Variants in TMEM236 observed in about 807,000 individuals in gnomAD.
The protein encoded by TMEM236 is family with sequence similarity 23, member A.
Under a neutral mutation model 14.7 loss-of-function variants are expected in TMEM236, and 11 were observed. The observed-to-expected ratio is 0.75, with a 90% CI of 0.47 to 1.24. The LOEUF is 1.24. Ranked by LOEUF, TMEM236 falls within the 50% of genes most tolerant of loss-of-function variation. TMEM236 has a pLI of 0.00. For synonymous variants in TMEM236, 182 were observed against 168.6 expected (o/e 1.08, Z -0.62); for missense variants, 464 against 427.3 (o/e 1.09, Z -0.76).
chr10:17,783,094 A>G (rs1837780413), intron 3 of TMEM236, among the ~76,000 whole-genome samples: 1 of 152,146 alleles, frequency 6.6e-6, no homozygotes, highest in Admixed American at 6.5e-5. Context: ...GGTGACTGGC[A>G]AAACAGAAGC....
intron 1 of TMEM236, among the ~76,000 whole-genome samples, chr10:17,756,166 T>A (rs953157554): frequency 0.011 from 1,621 of 152,250 alleles, 29 homozygotes; most frequent in African/African-American, 0.036. Context: ...ATTCAAGAGG[T>A]TGGCTTGAGC....
At chr10:17,761,142 C>T (rs2131741979) in intron 1 of TMEM236, among the ~76,000 whole-genome samples, 1 of 152,292 alleles carries the variant, frequency 6.6e-6, no homozygotes, top group East Asian at 1.9e-4. Flanking sequence ...CTGTTTCTCT[C>T]ATCCCAATTA....
At chr10:17,795,313 G>T (rs1378692316) in intron 3 of TMEM236, among the ~76,000 whole-genome samples, 2 of 152,128 alleles carry the variant, frequency 1.3e-5, no homozygotes, top group Non-Finnish European at 1.5e-5. Flanking sequence ...GGTGTGAATT[G>T]CAGCTCTGCC....
chr10:17,764,261 G>A lies in TMEM236; in HGVS notation c.258-7048G>A, dbSNP rs968891144. Among the ~76,000 whole-genome samples the A allele has an allele frequency of 4.5e-4, 69 of 152,274 alleles. 1 individual carries two copies. Among genetic ancestry groups the A allele is most frequent in the African/African-American group, 1.7e-3 (69 of 41,564 alleles). On this transcript the variant is annotated intron_variant, in intron 1 of 3. Transcript: ENST00000377495. ...CAAACAGGAATTTGTAACCCAATGT[G>A]GCTGAGCTTACTGAGTTCATCGTTA...
intron 3 of TMEM236, among the ~76,000 whole-genome samples, chr10:17,778,096 G>A (rs1294125076): frequency 6.6e-6 from 1 of 152,126 alleles, no homozygotes; most frequent in African/African-American, 2.4e-5. Flanking sequence ...TAATGACACT[G>A]AGAATTGAAA....
intron 1 of TMEM236, among the ~76,000 whole-genome samples, chr10:17,766,723 G>A (rs550168473): frequency 6.1e-4 from 93 of 152,304 alleles, no homozygotes; most frequent in Admixed American, 1.2e-3. Flanking sequence ...TACCTGGATG[G>A]CTTGAGCAAC....
intron 1 of TMEM236, among the ~76,000 whole-genome samples, chr10:17,759,859 T>A (rs1837330595): frequency 6.6e-6 from 1 of 151,642 alleles, no homozygotes; most frequent in Admixed American, 6.6e-5. Flanking sequence ...TGGACGCCTG[T>A]ATAGTCCCAG....
At chr10:17,781,669 C>T (rs1360219680) in intron 3 of TMEM236, among the ~76,000 whole-genome samples, 16 of 150,198 alleles carry the variant, frequency 1.1e-4, no homozygotes, top group African/African-American at 3.4e-4. Context: ...TCGCTTGAAC[C>T]CAGGAGGCGG....
chr10:17,774,475 C>T (rs925203000), intron 2 of TMEM236, among the ~76,000 whole-genome samples: 4 of 152,118 alleles, frequency 2.6e-5, no homozygotes, highest in Admixed American at 6.6e-5. Context: ...TTCAATGGAC[C>T]GAGCACCATT....
intron 3 of TMEM236, among the ~76,000 whole-genome samples, chr10:17,793,626 G>A (rs928640145): frequency 8.5e-5 from 13 of 152,074 alleles, no homozygotes; most frequent in African/African-American, 2.9e-4. Flanking sequence ...TGGGATTCCA[G>A]GTGCCCACCA....
At chr10:17,774,029 T>G (rs200756211) in intron 2 of TMEM236, among the ~76,000 whole-genome samples, 5,125 of 133,606 alleles carry the variant, frequency 0.038, 174 homozygotes, top group East Asian at 0.19. Context: ...ATATATATAT[T>G]TTTGTTTGTT....
intron 1 of TMEM236, among the ~76,000 whole-genome samples, chr10:17,765,857 A>T (rs1394979987): frequency 6.6e-6 from 1 of 152,072 alleles, no homozygotes; most frequent in Non-Finnish European, 1.5e-5. Flanking sequence ...TGGCTTTGGA[A>T]CCACTGTCAA....
chr10:17,770,928 A>G lies in TMEM236; in HGVS notation c.258-381A>G, dbSNP rs1589144799. Among the ~76,000 whole-genome samples the G allele has an allele frequency of 4.6e-5, 7 of 152,346 alleles. No individual in the cohort carries two copies. The South Asian group carries it at 1.4e-3, about 32-fold the overall frequency. On this transcript the variant is annotated intron_variant, in intron 1 of 3. Transcript: ENST00000377495. ...TACTTTTTGAAATATAAATTTTACA[A>G]CATGGGATATAATATAACTTGAAAG...
intron 1 of TMEM236, among the ~76,000 whole-genome samples, chr10:17,761,458 C>T (rs2947595): frequency 0.38 from 56,938 of 151,654 alleles, 10,927 homozygotes; most frequent in African/African-American, 0.47. Context: ...TTTGGGAGGC[C>T]GAGGCGGATG....
Position 17,776,115 on chromosome 10 carries a change from C to G in TMEM236, c.417C>G (p.Ile139Met), listed in dbSNP as rs1005448592. 4 of 1,613,636 alleles carry G rather than the reference C, an allele frequency of 2.5e-6. No individual in the cohort carries two copies. In the African/African-American group the frequency reaches 5.3e-5, roughly 22 times the overall value. Reference sequence around the variant, plus strand: ...TATCTCTGGTTCTGTTATCCCTGATCATGGTTGATATTATTGAAAAACTCA... The same window carrying G: ...TATCTCTGGTTCTGTTATCCCTGATGATGGTTGATATTATTGAAAAACTCA... ...LPVSLVLLSL[I>M]MVDIIEKLRI... is the part of the protein sequence containing the mutation. Residue 139 changes from isoleucine to methionine, a missense_variant, in exon 3 of 4, where the codon ATC becomes ATG. Transcript: ENST00000377495.
At chr10:17,789,752 G>C (rs952227935) in intron 3 of TMEM236, among the ~76,000 whole-genome samples, 5 of 152,154 alleles carry the variant, frequency 3.3e-5, no homozygotes, top group Middle Eastern at 3.4e-3. Context: ...GCCGGGCACG[G>C]TGGCTCACGC....
At chr10:17,782,962 C>T (rs1837777883) in intron 3 of TMEM236, among the ~76,000 whole-genome samples, 2 of 152,058 alleles carry the variant, frequency 1.3e-5, no homozygotes, top group African/African-American at 2.4e-5. Flanking sequence ...ATGCCTGAGG[C>T]GATGTGCTTG....
chr10:17,791,319 G>A lies in TMEM236; in HGVS notation c.473-4602G>A, dbSNP rs892534778. On this transcript the variant is annotated intron_variant, in intron 3 of 3. Coordinates refer to ENST00000377495, the MANE Select transcript of TMEM236 (RefSeq NM_001098844.3). ...AAAAAAAAAAAAAAATTAGTCAGGT[G>A]TGGTGGTGCAAGCCTGTAGTCCCAG... Among the ~76,000 whole-genome samples, 180 of 151,432 alleles carry A rather than the reference G, an allele frequency of 1.2e-3. 3 individuals are homozygous for A. The East Asian group carries it at 0.033, about 28-fold the overall frequency.
At chr10:17,758,507 T>A (rs1184942408) in intron 1 of TMEM236, among the ~76,000 whole-genome samples, 4 of 152,228 alleles carry the variant, frequency 2.6e-5, no homozygotes, top group African/African-American at 9.6e-5. Flanking sequence ...CTTTGAGCCT[T>A]AATTTTTTCG....
Sources: allele counts gnomAD v4.1 joint callset (sites outside exome capture counted in the v4.1 genomes callset), GRCh38; gene constraint gnomAD v4.1.1; transcripts MANE v1.5; gene names NCBI Gene and HGNC (gene_info 2026-07-23, HGNC 2026-07-21).